The following GAPVD1 variants were observed in gnomAD, a reference collection of about 807,000 sequenced individuals.
GAPVD1 encodes GTPase-activating protein and VPS9 domain-containing protein 1.
Under a neutral mutation model 155.5 loss-of-function variants are expected in GAPVD1, and 35 were observed. The observed-to-expected ratio is 0.23, with a 90% confidence interval of 0.17 to 0.30. The LOEUF is 0.30. Ranked by LOEUF, GAPVD1 falls within the 10% of genes least tolerant of loss-of-function variation. GAPVD1 has a pLI of 1.00. For missense variants in GAPVD1, 1,429 were observed against 1,775.7 expected (o/e 0.80, Z 3.51); for synonymous variants, 636 against 619.7 (o/e 1.03, Z -0.39).
chr9:125,293,343 G>A (rs1233880743), intron 2 of GAPVD1, among the ~76,000 whole-genome samples: 1 of 151,950 alleles, frequency 6.6e-6, no homozygotes, highest in East Asian at 1.9e-4. Context: ...TAGCTTCACA[G>A]TTGACTAAGC....
At chr9:125,314,089 T>C (rs1216352675) in intron 9 of GAPVD1, among the ~76,000 whole-genome samples, 2 of 152,106 alleles carry the variant, frequency 1.3e-5, no homozygotes, top group Non-Finnish European at 2.9e-5. Flanking sequence ...AGCCAGGAGA[T>C]TGTGGTATGG....
chr9:125,262,019 G>T (rs3896021), intron 1 of GAPVD1, 60 bp downstream of exon 1: 74,541 of 152,428 alleles, frequency 0.49, 18,420 homozygotes, highest in Middle Eastern at 0.58. Context: ...TCGCGGCCGG[G>T]TTGCTCCGGC....
At chr9:125,306,274 C>T (rs1192200243) in intron 6 of GAPVD1, among the ~76,000 whole-genome samples, 8 of 152,118 alleles carry the variant, frequency 5.3e-5, no homozygotes, top group Admixed American at 5.2e-4. Flanking sequence ...AGCAATTCTC[C>T]TGCCTCAGCC....
Position 125,355,625 on chromosome 9 carries a change from T to C in GAPVD1, c.3758-19T>C. On this transcript the variant is annotated intron_variant, in intron 24 of 27. Coordinates refer to ENST00000297933, the MANE Select transcript of GAPVD1 (RefSeq NM_001282680.3). Reference sequence around the variant, plus strand: ...TAGTTTTTATTAAACTATTTAAAAATTATTATTTTGCTTTGGAGACTTTCA... The same window carrying C: ...TAGTTTTTATTAAACTATTTAAAAACTATTATTTTGCTTTGGAGACTTTCA... 1 of 1,450,590 alleles carries C rather than the reference T, an allele frequency of 6.9e-7. No homozygotes were observed. The highest frequency in any genetic ancestry group is 1.9e-5 in the Admixed American group (1 of 53,134). The allele number at this position is 1,450,590 out of a possible 1,614,324, so 89.9% of individuals were successfully genotyped here. A position where few individuals can be genotyped will look rare whatever the true frequency, so the allele number is the denominator to read the frequency against.
intron 2 of GAPVD1, among the ~76,000 whole-genome samples, chr9:125,282,157 T>A (rs1836895850): frequency 6.6e-6 from 1 of 152,126 alleles, no homozygotes; most frequent in Non-Finnish European, 1.5e-5. Context: ...CGTATGCCTG[T>A]AGTCCCAGCT....
intron 5 of GAPVD1, among the ~76,000 whole-genome samples, chr9:125,304,403 G>T (rs1464985222): frequency 6.6e-6 from 1 of 152,048 alleles, no homozygotes; most frequent in South Asian, 2.1e-4. Context: ...TAATGTATTT[G>T]TAGTTTTTTT....
At chr9:125,284,788 A>G (rs910897306) in intron 2 of GAPVD1, among the ~76,000 whole-genome samples, 4 of 152,208 alleles carry the variant, frequency 2.6e-5, no homozygotes, top group African/African-American at 4.8e-5. Flanking sequence ...CTTCTGGGCT[A>G]CAAACCTGTA....
At chr9:125,350,989 C>T in intron 23 of GAPVD1, 117 bp downstream of exon 23, 2 of 799,772 alleles carry the variant, frequency 2.5e-6, no homozygotes, top group Non-Finnish European at 4.1e-6. Flanking sequence ...GCTGTATTTT[C>T]CTGGATGTAG....
chr9:125,301,585 A>C (rs1218146037), intron 4 of GAPVD1, among the ~76,000 whole-genome samples: 1 of 151,502 alleles, frequency 6.6e-6, no homozygotes, highest in Non-Finnish European at 1.5e-5. Flanking sequence ...AGTAGCTGGG[A>C]TTATAGGTGC....
intron 1 of GAPVD1, among the ~76,000 whole-genome samples, chr9:125,267,887 G>A (rs1435347905): frequency 3.9e-5 from 6 of 152,022 alleles, no homozygotes; most frequent in African/African-American, 1.4e-4. Flanking sequence ...ATTCGGCCAG[G>A]CACAGTGGCT....
At chr9:125,282,095 G>A (rs1354172840) in intron 2 of GAPVD1, among the ~76,000 whole-genome samples, 8 of 152,040 alleles carry the variant, frequency 5.3e-5, no homozygotes, top group African/African-American at 1.2e-4. Flanking sequence ...CCTGGCCAAC[G>A]TGGTGAAACC....
chr9:125,312,558 C>T lies in GAPVD1; in HGVS notation c.1548C>T (p.Val516=). The change falls in exon 9 of 28, where the codon GTC becomes GTT. Residue 516 remains valine, a synonymous_variant. Transcript: ENST00000297933. ...AGGTGCAACCAGAAGAGGTGTTGGT[C>T]ATTTCCTTAGGTACAGGTCCCCAGC... ...IQEVQPEEVL[V]ISLGTGPQLT... 1 of 1,609,912 alleles carries T rather than the reference C, an allele frequency of 6.2e-7. No homozygotes were observed. The highest frequency in any genetic ancestry group is 8.5e-7 in the Non-Finnish European group (1 of 1,178,612).
chr9:125,264,165 TA>T, intron 1 of GAPVD1: 2 of 672,000 alleles, frequency 3.0e-6, no homozygotes, highest in Non-Finnish European at 5.4e-6. Context: ...ATCAGGGAGA[TA>T]AAAAATTTGG....
intron 19 of GAPVD1, chr9:125,346,168 T>G (rs1473661639): frequency 6.5e-6 from 1 of 152,828 alleles, no homozygotes; most frequent in African/African-American, 2.4e-5. Flanking sequence ...TGTGGTACGT[T>G]TTTTCTCTAT....
chr9:125,299,012 A>G lies in GAPVD1; in HGVS notation c.91A>G (p.Asn31Asp), dbSNP rs760439717. 2.5e-6 allele frequency: 4 copies of G among 1,609,972 alleles called. No homozygotes were observed. The African/African-American group carries it at 4.0e-5, about 16-fold the overall frequency. ...TGAGAAACAGCTCATTCAGAGGCTC[A>G]ATGCAGATGTACTTAAGACAGCTGA... Reference protein sequence around the residue: ...NSEKQLIQRLNADVLKTAEKL... With the variant: ...NSEKQLIQRLDADVLKTAEKL... The change falls in exon 4 of 28, where the codon AAT (asparagine) becomes GAT (aspartate). Residue 31 changes from asparagine to aspartate, a missense_variant. This residue lies in a region of GAPVD1 where 628 missense variants were observed against 733.4 expected (regional missense o/e 0.86). Transcript: ENST00000297933.
At chr9:125,349,834 A>C (rs962060086) in intron 21 of GAPVD1, among the ~76,000 whole-genome samples, 10 of 151,870 alleles carry the variant, frequency 6.6e-5, no homozygotes, top group African/African-American at 2.4e-4. Flanking sequence ...TCCCATCTCT[A>C]TAAAAAAGAA....
intron 2 of GAPVD1, among the ~76,000 whole-genome samples, chr9:125,277,152 ATCAG>A (rs995215547): frequency 3.3e-5 from 5 of 152,324 alleles, no homozygotes; most frequent in African/African-American, 9.6e-5. Context: ...ATTGCTCTTT[ATCAG>A]TCAGTCATTT....
At chr9:125,284,060 G>C (rs1185825427) in intron 2 of GAPVD1, among the ~76,000 whole-genome samples, 2 of 151,806 alleles carry the variant, frequency 1.3e-5, no homozygotes, top group South Asian at 4.2e-4. Context: ...ATTTTTAGTA[G>C]AGATGGGGTT....
intron 10 of GAPVD1, 113 bp from the exon 11 acceptor site, chr9:125,323,685 A>C: frequency 9.9e-7 from 1 of 1,014,760 alleles, no homozygotes; most frequent in Admixed American, 1.9e-5. Context: ...TAAGGTATAA[A>C]AAGTATTAAA....
Sources: allele counts gnomAD v4.1 joint callset (sites outside exome capture counted in the v4.1 genomes callset), GRCh38; gene constraint gnomAD v4.1.1; regional missense constraint gnomAD v4.1.1; transcripts MANE v1.5; gene names NCBI Gene and HGNC (gene_info 2026-07-23, HGNC 2026-07-21).